NARS2: variants seen among roughly 807,000 people sequenced by gnomAD.
NARS2 encodes asparaginyl-tRNA synthetase 2, mitochondrial.
NARS2 carries 60 observed loss-of-function variants against 62.9 expected under a neutral mutation model. The ratio of observed to expected loss-of-function variants is 0.95; its 90% CI spans 0.77 to 1.18. NARS2 has a LOEUF of 1.18. NARS2 is among the 50% of genes most tolerant of loss of function. The pLI, the probability that NARS2 is intolerant of heterozygous loss-of-function variation, is 0.00. For synonymous variants in NARS2, 196 were observed against 200.0 expected (o/e 0.98, Z 0.17); for missense variants, 619 against 576.4 (o/e 1.07, Z -0.76).
At chr11:78,511,322 C>T (rs1860712742) in intron 6 of NARS2, among the ~76,000 whole-genome samples, 1 of 152,162 alleles carries the variant, frequency 6.6e-6, no homozygotes, top group Admixed American at 6.5e-5. Context: ...CAAGAAATCC[C>T]CTCGCCTTGT....
chr11:78,462,803 G>A (rs1160416984), intron 11 of NARS2, among the ~76,000 whole-genome samples: 1 of 152,010 alleles, frequency 6.6e-6, no homozygotes, highest in Admixed American at 6.6e-5. Context: ...TGAAAAAACA[G>A]GAAATACAGT....
chr11:78,461,453 C>T (rs754139817), intron 11 of NARS2, among the ~76,000 whole-genome samples: 24 of 151,188 alleles, frequency 1.6e-4, no homozygotes, highest in Non-Finnish European at 2.5e-4. Flanking sequence ...TAGCACTGAC[C>T]GGCCAAGTAA....
In NARS2 at chr11:78,478,685, T is replaced by C; in HGVS notation, c.823-2A>G. On this transcript the variant is annotated splice_acceptor_variant, in intron 7 of 13. Coordinates refer to ENST00000281038, the MANE Select transcript of NARS2 (RefSeq NM_024678.6). LOFTEE classifies it high-confidence loss of function. ...AGCCTTGAACAGTTCCTCTATAACCTAAGAGAAATGAAATAGAATCACCTG... is the reference window on the plus strand; with the variant it reads ...AGCCTTGAACAGTTCCTCTATAACCCAAGAGAAATGAAATAGAATCACCTG... 2 of 1,587,854 alleles carry C rather than the reference T, an allele frequency of 1.3e-6. No homozygotes were observed. Among genetic ancestry groups the C allele is most frequent in the Non-Finnish European group, 1.7e-6 (2 of 1,162,552 alleles).
chr11:78,465,545 C>T (rs370634543), intron 11 of NARS2, among the ~76,000 whole-genome samples: 1 of 152,270 alleles, frequency 6.6e-6, no homozygotes, highest in Admixed American at 6.5e-5. Context: ...CACAGACTAA[C>T]AAGCTTGGTA....
chr11:78,548,628 C>T (rs917140835), intron 5 of NARS2, among the ~76,000 whole-genome samples: 1 of 152,056 alleles, frequency 6.6e-6, no homozygotes, highest in African/African-American at 2.4e-5. Flanking sequence ...TCCTTACAAC[C>T]GATAAGAATA....
intron 11 of NARS2, among the ~76,000 whole-genome samples, chr11:78,462,191 GT>G (rs1396963622): frequency 6.6e-6 from 1 of 152,156 alleles, no homozygotes; most frequent in African/African-American, 2.4e-5. Context: ...CATGGTGTGT[GT>G]GTTGGAGGGG....
chr11:78,542,182 G>C (rs1205067346), intron 5 of NARS2, among the ~76,000 whole-genome samples: 2 of 152,168 alleles, frequency 1.3e-5, no homozygotes, highest in Non-Finnish European at 2.9e-5. Context: ...ACAACTATTT[G>C]ATCAGCAGGA....
intron 5 of NARS2, among the ~76,000 whole-genome samples, chr11:78,529,594 A>G (rs1314117950): frequency 6.6e-6 from 1 of 152,228 alleles, no homozygotes; most frequent in Non-Finnish European, 1.5e-5. Context: ...AGTTAAGCTA[A>G]AACAAACTAC....
intron 6 of NARS2, among the ~76,000 whole-genome samples, chr11:78,526,384 A>T (rs139339090): frequency 6.6e-6 from 1 of 152,138 alleles, no homozygotes; most frequent in Admixed American, 6.5e-5. Context: ...CTCCATTTTA[A>T]AAGTCTGTTA....
intron 6 of NARS2, among the ~76,000 whole-genome samples, chr11:78,524,217 T>A (rs1861223745): frequency 6.6e-6 from 1 of 152,112 alleles, no homozygotes; most frequent in Non-Finnish European, 1.5e-5. Flanking sequence ...AAATCTTGAA[T>A]GGACATTTAG....
At chr11:78,539,610 C>T (rs1855530778) in intron 5 of NARS2, among the ~76,000 whole-genome samples, 1 of 152,132 alleles carries the variant, frequency 6.6e-6, no homozygotes, top group African/African-American at 2.4e-5. Context: ...TGCAGATAAA[C>T]AGTTTGGCAG....
intron 5 of NARS2, among the ~76,000 whole-genome samples, chr11:78,544,644 A>C (rs909861701): frequency 2.6e-5 from 4 of 152,006 alleles, no homozygotes; most frequent in African/African-American, 9.7e-5. Context: ...AATACAAAAA[A>C]TTAGCCAGGC....
At chr11:78,448,228 C>T (rs1174719802) in intron 11 of NARS2, among the ~76,000 whole-genome samples, 2 of 149,740 alleles carry the variant, frequency 1.3e-5, no homozygotes, top group Non-Finnish European at 3.0e-5. Context: ...CGAAACAAAA[C>T]AAAAAAGAAG....
intron 11 of NARS2, among the ~76,000 whole-genome samples, chr11:78,459,368 T>G (rs1858301792): frequency 6.6e-6 from 1 of 151,188 alleles, no homozygotes; most frequent in South Asian, 2.1e-4. Context: ...CCTCTCGGGT[T>G]CAAGCGATTC....
At chr11:78,511,671 C>A (rs554385516) in intron 6 of NARS2, among the ~76,000 whole-genome samples, 1 of 151,254 alleles carries the variant, frequency 6.6e-6, no homozygotes, top group African/African-American at 2.4e-5. Flanking sequence ...GAGCTGAGAT[C>A]GCCCCACTGC....
At chr11:78,479,770 C>A (rs1859268635) in intron 7 of NARS2, among the ~76,000 whole-genome samples, 1 of 152,156 alleles carries the variant, frequency 6.6e-6, no homozygotes, top group Non-Finnish European at 1.5e-5. Context: ...ACCAGTAGAT[C>A]CTCTTGAGGC....
intron 11 of NARS2, among the ~76,000 whole-genome samples, chr11:78,445,815 C>G (rs367902253): frequency 6.6e-6 from 1 of 152,008 alleles, no homozygotes; most frequent in Non-Finnish European, 1.5e-5. Context: ...TTATTTGCAG[C>G]TAGGTGTGGT....
Position 78,478,621 on chromosome 11 carries a change from A to G in NARS2, c.885T>C (p.Val295=). ...GTGCTATGAATTTGTGACAGAGTTC[A>G]ACATCTTCAGGACATTTTGAGAGAA... ...MMVLSKCPED[V]ELCHKFIAPG... The change falls in exon 8 of 14, where the codon GTT becomes GTC. Residue 295 remains valine, a synonymous_variant. Coordinates refer to ENST00000281038, the MANE Select transcript of NARS2 (RefSeq NM_024678.6). 1 of 1,612,114 alleles carries G rather than the reference A, an allele frequency of 6.2e-7. No individual in the cohort carries two copies. The highest frequency in any genetic ancestry group is 1.3e-5 in the African/African-American group (1 of 74,982).
At chr11:78,465,662 T>A (rs1421388897) in intron 11 of NARS2, among the ~76,000 whole-genome samples, 1 of 152,210 alleles carries the variant, frequency 6.6e-6, no homozygotes, top group Admixed American at 6.5e-5. Flanking sequence ...TTGCACCTGC[T>A]AAACTAAGAA....
Sources: gnomAD v4.1 joint callset for allele counts (sites outside exome capture counted in the v4.1 genomes callset) on GRCh38, gnomAD v4.1.1 for gene constraint, MANE v1.5 for transcripts, NCBI Gene and HGNC (gene_info 2026-07-23, HGNC 2026-07-21) for gene names.